Variants in SLCO5A1 observed in about 807,000 individuals in gnomAD.
SLCO5A1 encodes the protein solute carrier organic anion transporter family member 5A1.
SLCO5A1 carries 39 observed loss-of-function variants against 65.1 expected under a neutral mutation model. The ratio of observed to expected loss-of-function variants is 0.60; its 90% CI spans 0.46 to 0.78. The LOEUF (loss-of-function observed/expected upper bound fraction) is 0.78, where lower values mean the gene tolerates loss of function less well. Among genes scored for constraint, SLCO5A1 ranks in the 30% least tolerant of loss-of-function variants. The probability of loss-of-function intolerance (pLI) is 0.00; values close to 1 mark genes in which losing one functional copy is unlikely to be tolerated. For synonymous variants in SLCO5A1, 438 were observed against 415.7 expected (o/e 1.05, Z -0.65); for missense variants, 1,029 against 1,069.4 (o/e 0.96, Z 0.53).
chr8:69,826,944 A>G (rs1263491203), intron 2 of SLCO5A1, among the ~76,000 whole-genome samples: 3 of 152,104 alleles, frequency 2.0e-5, no homozygotes, highest in Non-Finnish European at 4.4e-5. Flanking sequence ...TGGCACATAT[A>G]CACCATGGAA....
Position 69,715,614 on chromosome 8 carries a change from T to C in SLCO5A1, c.1424-10385A>G, listed in dbSNP as rs143631967. Among the ~76,000 whole-genome samples the C allele has an allele frequency of 3.7e-3, 568 of 152,214 alleles. 3 individuals are homozygous for C. The highest frequency in any genetic ancestry group is 0.012 in the African/African-American group (513 of 41,528). On this transcript the variant is annotated intron_variant, in intron 5 of 9. Coordinates refer to ENST00000260126, the MANE Select transcript of SLCO5A1 (RefSeq NM_030958.3). ...AAGCAGATTTTTCAAACTCTGTATA[T>C]GGAAAAAAAATTGAGACAAAAGTCT...
Position 69,679,549 on chromosome 8 carries a change from C to T in SLCO5A1, c.1853G>A (p.Arg618Gln), listed in dbSNP as rs149130588. 40 of 1,614,104 alleles carry T rather than the reference C, an allele frequency of 2.5e-5. No individual in the cohort carries two copies. The highest frequency in any genetic ancestry group is 8.3e-5 in the Admixed American group (5 of 60,002). ...QVITPPTVGQ[R>Q]SQLRVVIVKT... ...GACAATAACCACACGGAGCTGACTTCGCTGTCCCACGGTGGGTGGAGTGAT... is the reference window on the plus strand; with the variant it reads ...GACAATAACCACACGGAGCTGACTTTGCTGTCCCACGGTGGGTGGAGTGAT... Residue 618 changes from arginine (R) to glutamine (Q), a missense_variant, in exon 8 of 10, where the codon CGA (arginine) becomes CAA (glutamine). By Grantham distance (43) the Arg-to-Gln change is conservative. Around this residue, in one of 3 missense-constraint regions of SLCO5A1, gnomAD observed 124 missense variants for 184.5 expected, o/e 0.67. Coordinates refer to ENST00000260126, the MANE Select transcript of SLCO5A1 (RefSeq NM_030958.3).
At chr8:69,830,195 T>TATAAC (rs1174881227) in intron 2 of SLCO5A1, among the ~76,000 whole-genome samples, 5 of 152,226 alleles carry the variant, frequency 3.3e-5, no homozygotes, top group Non-Finnish European at 7.3e-5. Context: ...AACACCCCTC[T>TATAAC]ATAACAGCTT....
In SLCO5A1 at chr8:69,735,305, C is replaced by T. The variant is rs1005567409; in HGVS notation, c.1423+2735G>A. Among the ~76,000 whole-genome samples the T allele has an allele frequency of 1.1e-4, 16 of 152,144 alleles. 1 individual carries two copies. The highest frequency in any genetic ancestry group is 5.8e-4 in the East Asian group (3 of 5,196). ...GAACCAGAAACACCATTTGGCCCAGCGATCCCATTACTGGGGATATACCCA... is the reference window on the plus strand; with the variant it reads ...GAACCAGAAACACCATTTGGCCCAGTGATCCCATTACTGGGGATATACCCA... On this transcript the variant is annotated intron_variant, in intron 5 of 9. Coordinates refer to ENST00000260126, the MANE Select transcript of SLCO5A1 (RefSeq NM_030958.3).
intron 6 of SLCO5A1, among the ~76,000 whole-genome samples, chr8:69,695,577 G>A (rs1361800167): frequency 6.6e-6 from 1 of 151,192 alleles, no homozygotes; most frequent in Non-Finnish European, 1.5e-5. Flanking sequence ...TAACCCTTCC[G>A]CACTATTTTA....
intron 6 of SLCO5A1, among the ~76,000 whole-genome samples, chr8:69,687,948 G>A (rs1488904020): frequency 6.6e-6 from 1 of 151,778 alleles, no homozygotes; most frequent in East Asian, 1.9e-4. Context: ...ATACTCATAG[G>A]CATTTTTGAA....
intron 2 of SLCO5A1, among the ~76,000 whole-genome samples, chr8:69,792,118 ATAATT>A (rs1819295271): frequency 1.3e-5 from 2 of 152,210 alleles, no homozygotes. Flanking sequence ...TAGAAATACT[ATAATT>A]TAGTTGGAGA....
chr8:69,830,010 A>G (rs932936536), intron 2 of SLCO5A1, among the ~76,000 whole-genome samples: 3 of 152,188 alleles, frequency 2.0e-5, no homozygotes, highest in Admixed American at 1.3e-4. Flanking sequence ...ACTTTTCTGT[A>G]TGTTTAAAAT....
At chr8:69,745,212 T>C (rs1816966662) in intron 4 of SLCO5A1, among the ~76,000 whole-genome samples, 1 of 152,218 alleles carries the variant, frequency 6.6e-6, no homozygotes, top group Non-Finnish European at 1.5e-5. Context: ...TAATTAGTTT[T>C]TCACCATCTT....
At chr8:69,705,394 CAT>C (rs537760581) in intron 5 of SLCO5A1, among the ~76,000 whole-genome samples, 165 bp from the exon 6 acceptor site, 5 of 152,316 alleles carry the variant, frequency 3.3e-5, no homozygotes, top group African/African-American at 1.2e-4. Context: ...ATTTTCAACA[CAT>C]ACAATCAACA....
In SLCO5A1 at chr8:69,827,407, T is replaced by C. The variant is rs117931104; in HGVS notation, c.907+4360A>G. ...CCTAGTCAATTCTAAGCCTCTCTCC[T>C]TGCAGAAGTTAAGGCATTTAGTGGC... On this transcript the variant is annotated intron_variant, in intron 2 of 9. Coordinates refer to ENST00000260126, the MANE Select transcript of SLCO5A1 (RefSeq NM_030958.3). Among the ~76,000 whole-genome samples the C allele has an allele frequency of 3.5e-4, 53 of 152,340 alleles. No homozygotes were observed. In the East Asian group the frequency reaches 9.4e-3, roughly 27 times the overall value.
intron 6 of SLCO5A1, among the ~76,000 whole-genome samples, chr8:69,690,165 G>T (rs988717169): frequency 6.8e-6 from 1 of 146,094 alleles, no homozygotes; most frequent in African/African-American, 2.5e-5. Flanking sequence ...CGCCAAGCCC[G>T]TTCCCTTGGC....
intron 2 of SLCO5A1, among the ~76,000 whole-genome samples, chr8:69,795,882 C>T (rs1374107831): frequency 6.6e-6 from 1 of 152,248 alleles, no homozygotes; most frequent in African/African-American, 2.4e-5. Flanking sequence ...AGCCTCAGCT[C>T]TTGTGCTCTG....
At chr8:69,688,481 C>T (rs1202970834) in intron 6 of SLCO5A1, among the ~76,000 whole-genome samples, 1 of 151,888 alleles carries the variant, frequency 6.6e-6, no homozygotes, top group African/African-American at 2.4e-5. Flanking sequence ...TGCTATCCCT[C>T]CCCGCTCCCC....
intron 3 of SLCO5A1, among the ~76,000 whole-genome samples, chr8:69,760,892 T>C (rs1817741086): frequency 6.6e-6 from 1 of 152,164 alleles, no homozygotes; most frequent in African/African-American, 2.4e-5. Flanking sequence ...GCTAAATCTC[T>C]AGCACACATG....
At chr8:69,693,088 T>C (rs142229560) in intron 6 of SLCO5A1, among the ~76,000 whole-genome samples, 162 of 152,310 alleles carry the variant, frequency 1.1e-3, no homozygotes, top group Non-Finnish European at 1.2e-3. Flanking sequence ...ACAATATCAT[T>C]AGGCAATAGG....
intron 6 of SLCO5A1, among the ~76,000 whole-genome samples, chr8:69,697,030 G>A (rs1182411406): frequency 1.3e-5 from 2 of 152,028 alleles, no homozygotes. Flanking sequence ...TCCAACATCT[G>A]ACTAACAACA....
At chr8:69,723,771 T>C (rs920487880) in intron 5 of SLCO5A1, among the ~76,000 whole-genome samples, 1 of 137,654 alleles carries the variant, frequency 7.3e-6, no homozygotes, top group East Asian at 2.1e-4. Flanking sequence ...AATTTTAGTA[T>C]GCTTTTTTTT....
intron 2 of SLCO5A1, among the ~76,000 whole-genome samples, chr8:69,822,817 T>C (rs926909867): frequency 6.6e-6 from 1 of 152,226 alleles, no homozygotes; most frequent in Admixed American, 6.5e-5. Context: ...CAGTTGTTGG[T>C]AGAGTGAAAC....
Sources: allele counts gnomAD v4.1 joint callset (sites outside exome capture counted in the v4.1 genomes callset), GRCh38; gene constraint gnomAD v4.1.1; regional missense constraint gnomAD v4.1.1; transcripts MANE v1.5; gene names NCBI Gene and HGNC (gene_info 2026-07-23, HGNC 2026-07-21).